Variants in TUT4 observed in about 807,000 individuals in gnomAD.
TUT4 encodes the protein terminal uridylyl transferase 4, also known as terminal uridylyltransferase 4.
A neutral mutation model predicts 192.2 loss-of-function variants in TUT4; 36 were observed. The ratio of observed to expected loss-of-function variants is 0.19; its 90% confidence interval spans 0.14 to 0.25. The LOEUF (loss-of-function observed/expected upper bound fraction) is 0.25. TUT4 is among the 10% of genes least tolerant of loss of function. The pLI, the probability that TUT4 is intolerant of heterozygous loss-of-function variation, is 1.00. For missense variants in TUT4, 1,493 were observed against 1,957.2 expected (o/e 0.76, Z 4.47); for synonymous variants, 618 against 666.0 (o/e 0.93, Z 1.11).
chr1:52,474,777 CAT>C (rs977743879), intron 13 of TUT4, 53 bp downstream of exon 13: 13 of 1,405,778 alleles, frequency 9.2e-6, no homozygotes, highest in Admixed American at 4.7e-5. Context: ...AAAAAATATA[CAT>C]AGTCATACAA....
intron 12 of TUT4, 45 bp from the exon 13 acceptor site, chr1:52,475,580 A>T: frequency 6.7e-7 from 1 of 1,488,730 alleles, no homozygotes; most frequent in Non-Finnish European, 9.0e-7. Context: ...CTACTAACAA[A>T]CTACATTTCC....
intron 4 of TUT4, among the ~76,000 whole-genome samples, chr1:52,508,022 A>G (rs1676091656): frequency 6.6e-6 from 1 of 152,100 alleles, no homozygotes; most frequent in Non-Finnish European, 1.5e-5. Flanking sequence ...CACGTTGCCC[A>G]GGCTGGTCTC....
At chr1:52,528,085 G>A (rs572300885) in intron 1 of TUT4, among the ~76,000 whole-genome samples, 3 of 151,558 alleles carry the variant, frequency 2.0e-5, no homozygotes, top group Non-Finnish European at 4.4e-5. Context: ...AGGCTGAGGC[G>A]GGAGAATTGC....
Position 52,472,208 on chromosome 1 carries a change from C to T in TUT4, c.2728-106G>A, listed in dbSNP as rs1665954621. On this transcript the variant is annotated intron_variant, in intron 13 of 29. Coordinates refer to ENST00000257177, the MANE Select transcript of TUT4 (RefSeq NM_001009881.3). ...TTTTATGTAACTCAGTTTTGATAAC[C>T]TGTGCTTTCAGGAGGTAATTAAAAA... The T allele has an allele frequency of 5.3e-6, 6 of 1,130,068 alleles. No homozygotes were observed. The South Asian group carries it at 9.9e-5, about 19-fold the overall frequency. 70.0% of individuals were successfully genotyped at this position (1,130,068 alleles called of 1,614,324 possible).
chr1:52,445,084 C>T lies in TUT4; in HGVS notation c.3822+703G>A, dbSNP rs186015433. ...ATATATATAATAGGATTATATATAT[C>T]CTATTAGCTCTGTCCCTCTAAGAGA... On this transcript the variant is annotated intron_variant, in intron 24 of 29. Transcript: ENST00000257177. 1.6e-3 allele frequency among the ~76,000 whole-genome samples: 236 copies of T among 150,142 alleles called. 7 individuals are homozygous for T. Among genetic ancestry groups the T allele is most frequent in the East Asian group, 1.2e-3 (6 of 5,098 alleles).
At chr1:52,507,922 T>C (rs986385062) in intron 4 of TUT4, among the ~76,000 whole-genome samples, 1 of 152,096 alleles carries the variant, frequency 6.6e-6, no homozygotes, top group African/African-American at 2.4e-5. Context: ...ACAATTCTTA[T>C]ACCTCAGCCT....
intron 14 of TUT4, 79 bp downstream of exon 14, chr1:52,471,873 C>T (rs1348657680): frequency 6.9e-7 from 1 of 1,440,250 alleles, no homozygotes; most frequent in African/African-American, 1.5e-5. Context: ...CGTAAACAAA[C>T]TGTTTTTAAA....
At chr1:52,495,322 A>G (rs1429508214) in intron 6 of TUT4, 105 bp downstream of exon 6, 4 of 650,320 alleles carry the variant, frequency 6.2e-6, no homozygotes, top group Non-Finnish European at 9.9e-6. Flanking sequence ...GTAACACTAT[A>G]CAAACCAGAG....
chr1:52,510,425 C>G (rs1676849797), intron 3 of TUT4, among the ~76,000 whole-genome samples: 1 of 151,416 alleles, frequency 6.6e-6, no homozygotes, highest in African/African-American at 2.4e-5. Context: ...TTTTGATTAC[C>G]ATAAAAAAAT....
chr1:52,461,665 G>A, intron 17 of TUT4, 47 bp downstream of exon 17: 1 of 1,545,268 alleles, frequency 6.5e-7, no homozygotes, highest in South Asian at 1.2e-5. Context: ...TTTCATATAT[G>A]CTAAAAAAAT....
intron 2 of TUT4, among the ~76,000 whole-genome samples, chr1:52,520,481 T>C (rs1679949114): frequency 6.6e-6 from 1 of 152,174 alleles, no homozygotes; most frequent in Admixed American, 6.5e-5. Context: ...AGAAATCCAA[T>C]TTATCAGGCC....
chr1:52,508,545 TAACTA>T (rs1411755393), intron 4 of TUT4, among the ~76,000 whole-genome samples: 1 of 152,048 alleles, frequency 6.6e-6, no homozygotes, highest in Non-Finnish European at 1.5e-5. Context: ...GAAACAAAAA[TAACTA>T]AATATGCCTT....
intron 1 of TUT4, among the ~76,000 whole-genome samples, chr1:52,539,387 T>C (rs528251902): frequency 1.4e-4 from 22 of 152,182 alleles, no homozygotes; most frequent in African/African-American, 5.3e-4. Flanking sequence ...GATTCCCAGA[T>C]TGAAATGACA....
At chr1:52,488,520 T>C (rs1326349800) in intron 9 of TUT4, among the ~76,000 whole-genome samples, 1 of 152,200 alleles carries the variant, frequency 6.6e-6, no homozygotes, top group African/African-American at 2.4e-5. Context: ...GAGAATAGCA[T>C]TCTTAGAGAC....
chr1:52,533,897 C>T (rs769333266), intron 1 of TUT4, among the ~76,000 whole-genome samples: 11 of 152,202 alleles, frequency 7.2e-5, no homozygotes, highest in Admixed American at 2.6e-4. Context: ...ACCTGGGAGG[C>T]GGAGATTGCA....
intron 14 of TUT4, among the ~76,000 whole-genome samples, chr1:52,471,504 A>G (rs1443731249): frequency 6.6e-6 from 1 of 152,234 alleles, no homozygotes; most frequent in African/African-American, 2.4e-5. Flanking sequence ...CATAAATGCC[A>G]TATTAACTCA....
At position 52,518,462 on chromosome 1, in the gene TUT4, G is replaced by A. The variant is rs192507683; in HGVS notation, c.719-2408C>T. Among the ~76,000 whole-genome samples, 88 of 152,244 alleles carry A rather than the reference G, an allele frequency of 5.8e-4. 1 individual carries two copies. In the East Asian group the frequency reaches 0.014, roughly 24 times the overall value. ...CATGGCCTTTCCTTATAGGACAGAG[G>A]TTCTCTCTTCTCCTTTTTTATAAGG... is the stretch of plus-strand genomic sequence containing the variant. On this transcript the variant is annotated intron_variant, in intron 2 of 29. Coordinates refer to ENST00000257177, the MANE Select transcript of TUT4 (RefSeq NM_001009881.3).
At position 52,475,150 on chromosome 1, in the gene TUT4, G is replaced by A; in HGVS notation, c.2409C>T (p.Ser803=). 3 of 1,614,068 alleles carry A rather than the reference G, an allele frequency of 1.9e-6. No individual in the cohort carries two copies. Among genetic ancestry groups the A allele is most frequent in the Non-Finnish European group, 2.5e-6 (3 of 1,180,014 alleles). Residue 803 remains serine (S), a synonymous_variant, in exon 13 of 30, where the codon AGC becomes AGT. Transcript: ENST00000257177. ...ATTTTGGCTCTATTTCACTGCTTTT[G>A]CTGGTAGAAAGAGATGAAGAGTCCT... is the stretch of plus-strand genomic sequence containing the variant. ...HGQDSSSLST[S]KSSEIEPKLD... is the part of the protein sequence containing the mutation.
At chr1:52,465,412 C>T (rs1300240474) in intron 15 of TUT4, among the ~76,000 whole-genome samples, 6 of 152,192 alleles carry the variant, frequency 3.9e-5, no homozygotes, top group Admixed American at 1.3e-4. Context: ...ACATTCAACA[C>T]GTCTGAACTA....
Sources: allele counts gnomAD v4.1 joint callset (sites outside exome capture counted in the v4.1 genomes callset), GRCh38; gene constraint gnomAD v4.1.1; transcripts MANE v1.5; gene names NCBI Gene and HGNC (gene_info 2026-07-23, HGNC 2026-07-21).